NAT1: variants seen among roughly 807,000 people sequenced by gnomAD.
The protein encoded by NAT1 is N-acetyltransferase 1, also known as arylamine N-acetyltransferase 1.
For missense variants in NAT1, 400 were observed against 339.2 expected (o/e 1.18, Z -1.41); for synonymous variants, 144 against 122.6 (o/e 1.17, Z -1.16).
intron 2 of NAT1, among the ~76,000 whole-genome samples, chr8:18,174,600 C>T (rs569055734): frequency 6.6e-6 from 1 of 152,080 alleles, no homozygotes; most frequent in African/African-American, 2.4e-5. Flanking sequence ...AATTCAAAAT[C>T]CGGAGGAGTC....
chr8:18,173,864 C>A (rs1802190119), intron 2 of NAT1, among the ~76,000 whole-genome samples: 1 of 152,084 alleles, frequency 6.6e-6, no homozygotes, highest in African/African-American at 2.4e-5. Context: ...TTTTAAAAAT[C>A]AAACAATATG....
chr8:18,203,741 G>T (rs73571964), intron 2 of NAT1, among the ~76,000 whole-genome samples: 1,638 of 152,304 alleles, frequency 0.011, 31 homozygotes, highest in African/African-American at 0.037. Context: ...TTGTGATATA[G>T]GAGTTAAGAA....
intron 2 of NAT1, among the ~76,000 whole-genome samples, chr8:18,199,868 C>T (rs1168168986): frequency 6.6e-6 from 1 of 152,156 alleles, no homozygotes; most frequent in Non-Finnish European, 1.5e-5. Context: ...TATGAACAGA[C>T]ACTTTTCAAA....
chr8:18,178,420 G>C (rs1437721366), intron 2 of NAT1, among the ~76,000 whole-genome samples: 25 of 151,994 alleles, frequency 1.6e-4, no homozygotes, highest in Admixed American at 1.6e-3. Flanking sequence ...TTTATTTCTG[G>C]GCTGAGTTAG....
chr8:18,185,670 C>G (rs11993895), intron 2 of NAT1, among the ~76,000 whole-genome samples: 10,566 of 151,986 alleles, frequency 0.07, 996 homozygotes, highest in African/African-American at 0.21. Context: ...ATTCATTCTT[C>G]TTTTAAAATT....
At position 18,223,031 on chromosome 8, in the gene NAT1, C is replaced by A; in HGVS notation, c.*111C>A. On this transcript the variant is annotated 3_prime_UTR_variant, in exon 3 of 3. Transcript: ENST00000307719. ...ACCTTATTTTGAAGAAAATCCTAGA[C>A]ATCAAATCATTTCACCTATAAAAAT... is the stretch of plus-strand genomic sequence containing the variant. 1.3e-6 allele frequency: 1 copy of A among 781,646 alleles called. No homozygotes were observed. Among genetic ancestry groups the A allele is most frequent in the Non-Finnish European group, 1.8e-6 (1 of 558,724 alleles). 48.4% of individuals were successfully genotyped at this position (781,646 alleles called of 1,614,324 possible).
chr8:18,171,179 C>G (rs17593982), intron 2 of NAT1, among the ~76,000 whole-genome samples: 4,389 of 152,230 alleles, frequency 0.029, 80 homozygotes, highest in Non-Finnish European at 0.041. Flanking sequence ...CTCAACTGGG[C>G]TCTGTAGATA....
chr8:18,181,329 G>A (rs1367937013), intron 2 of NAT1, among the ~76,000 whole-genome samples: 1 of 152,026 alleles, frequency 6.6e-6, no homozygotes. Context: ...GCTGAGTACA[G>A]ATTCAACGCA....
At chr8:18,178,987 A>G (rs976577560) in intron 2 of NAT1, among the ~76,000 whole-genome samples, 3 of 152,068 alleles carry the variant, frequency 2.0e-5, no homozygotes, top group Admixed American at 6.6e-5. Context: ...CCTTTCCTCA[A>G]CAGTTTCAAC....
chr8:18,196,084 G>A (rs1803219479), intron 2 of NAT1, among the ~76,000 whole-genome samples: 1 of 151,912 alleles, frequency 6.6e-6, no homozygotes, highest in African/African-American at 2.4e-5. Context: ...TAAATATACA[G>A]CAATTTCAAA....
At chr8:18,184,933 G>C (rs950217071) in intron 2 of NAT1, among the ~76,000 whole-genome samples, 2 of 152,154 alleles carry the variant, frequency 1.3e-5, no homozygotes, top group African/African-American at 4.8e-5. Context: ...TATTTGACTA[G>C]TAAGCTTATC....
At chr8:18,183,790 A>T (rs1239431430) in intron 2 of NAT1, among the ~76,000 whole-genome samples, 1 of 152,188 alleles carries the variant, frequency 6.6e-6, no homozygotes, top group Non-Finnish European at 1.5e-5. Context: ...GCAAGAAGAA[A>T]GGGGTAGCAG....
At chr8:18,196,664 T>G (rs1487707580) in intron 2 of NAT1, among the ~76,000 whole-genome samples, 1 of 152,210 alleles carries the variant, frequency 6.6e-6, no homozygotes, top group Non-Finnish European at 1.5e-5. Context: ...TTTCTCTCCC[T>G]TCTGGGAAGG....
At chr8:18,187,567 A>G (rs975301063) in intron 2 of NAT1, among the ~76,000 whole-genome samples, 8 of 152,156 alleles carry the variant, frequency 5.3e-5, no homozygotes, top group Non-Finnish European at 7.4e-5. Flanking sequence ...CGTGGATGCA[A>G]CTGGAGACCA....
chr8:18,206,080 C>G (rs1260618315), upstream of NAT1, among the ~76,000 whole-genome samples: 6 of 152,216 alleles, frequency 3.9e-5, no homozygotes, highest in African/African-American at 1.4e-4. Flanking sequence ...TTGCTGCCTC[C>G]TATTTCTTCT....
Position 18,222,223 on chromosome 8 carries a change from T to C in NAT1, c.176T>C (p.Val59Ala), listed in dbSNP as rs745507855. The C allele has an allele frequency of 5.6e-6, 9 of 1,614,082 alleles. No homozygotes were observed. The East Asian group carries it at 6.7e-5, about 12-fold the overall frequency. ...GGCTTAGAGGCCATTTTTGATCAAG[T>C]TGTGAGAAGAAATCGGGGTGGATGG... ...DLGLEAIFDQ[V>A]VRRNRGGWCL... The change falls in exon 3 of 3, where the codon GTT (valine) becomes GCT (alanine). Residue 59 changes from valine to alanine, a missense_variant. Transcript: ENST00000307719.
At chr8:18,182,031 G>C (rs1191081672) in intron 2 of NAT1, among the ~76,000 whole-genome samples, 2 of 152,142 alleles carry the variant, frequency 1.3e-5, no homozygotes, top group African/African-American at 4.8e-5. Context: ...TCCCCAAGCA[G>C]GAATTGTCTC....
At chr8:18,198,617 T>C (rs1225746558) in intron 2 of NAT1, among the ~76,000 whole-genome samples, 2 of 152,246 alleles carry the variant, frequency 1.3e-5, no homozygotes, top group Non-Finnish European at 1.5e-5. Flanking sequence ...GTTTTATTTT[T>C]CCCCAGTAGT....
intron 2 of NAT1, among the ~76,000 whole-genome samples, chr8:18,177,278 A>T (rs1276764345): frequency 6.6e-6 from 1 of 152,098 alleles, no homozygotes; most frequent in East Asian, 1.9e-4. Flanking sequence ...AGTAAATATT[A>T]AAAGACATTG....
Sources: allele counts gnomAD v4.1 joint callset (sites outside exome capture counted in the v4.1 genomes callset), GRCh38; gene constraint gnomAD v4.1.1; transcripts MANE v1.5; gene names NCBI Gene and HGNC (gene_info 2026-07-23, HGNC 2026-07-21).